SUGCT: variants seen among roughly 807,000 people sequenced by gnomAD.
The protein encoded by SUGCT is succinyl-CoA:glutarate-CoA transferase.
Under a neutral mutation model 55.0 loss-of-function variants are expected in SUGCT, and 41 were observed. The ratio of observed to expected loss-of-function variants is 0.74; its 90% CI spans 0.58 to 0.97. The LOEUF is 0.97. Among genes scored for constraint, SUGCT ranks in the 50% least tolerant of loss-of-function variants. The probability of loss-of-function intolerance (pLI) is 0.00; values close to 1 mark genes in which losing one functional copy is unlikely to be tolerated. For missense variants in SUGCT, 568 were observed against 547.8 expected (o/e 1.04, Z -0.37); for synonymous variants, 187 against 200.4 (o/e 0.93, Z 0.56).
intron 7 of SUGCT, among the ~76,000 whole-genome samples, chr7:40,252,159 G>A (rs943878759): frequency 1.3e-5 from 2 of 152,118 alleles, no homozygotes; most frequent in Non-Finnish European, 2.9e-5. Flanking sequence ...TTTTGAGACA[G>A]GGTCTCATTC....
intron 12 of SUGCT, among the ~76,000 whole-genome samples, chr7:40,528,796 T>C (rs1043502070): frequency 6.6e-6 from 1 of 152,204 alleles, no homozygotes; most frequent in Non-Finnish European, 1.5e-5. Context: ...GTTAAATCAA[T>C]AGCATTCATT....
At chr7:40,789,268 C>T (rs185233083) in intron 13 of SUGCT, among the ~76,000 whole-genome samples, 9 of 152,196 alleles carry the variant, frequency 5.9e-5, no homozygotes, top group African/African-American at 1.9e-4. Context: ...ATTTCCCATT[C>T]CCCTCCCTCT....
At chr7:40,728,004 A>G (rs1426907555) in intron 12 of SUGCT, among the ~76,000 whole-genome samples, 1 of 152,156 alleles carries the variant, frequency 6.6e-6, no homozygotes, top group East Asian at 1.9e-4. Flanking sequence ...AGATACTACA[A>G]GTATTCTGAG....
At chr7:40,167,986 G>C (rs1989589) in intron 1 of SUGCT, among the ~76,000 whole-genome samples, 1 of 151,938 alleles carries the variant, frequency 6.6e-6, no homozygotes, top group Non-Finnish European at 1.5e-5. Flanking sequence ...AAATGCCTGG[G>C]GTTTATATCC....
chr7:40,785,408 T>G (rs1789960223), intron 13 of SUGCT, among the ~76,000 whole-genome samples: 1 of 152,214 alleles, frequency 6.6e-6, no homozygotes, highest in Non-Finnish European at 1.5e-5. Context: ...TAAAGAAAGC[T>G]TAGTCCCAGT....
intron 1 of SUGCT, among the ~76,000 whole-genome samples, chr7:40,176,083 A>G (rs1390931400): frequency 6.6e-6 from 1 of 151,978 alleles, no homozygotes. Context: ...AGTACAAAAA[A>G]CAGCGGGACA....
At chr7:40,823,530 A>G (rs554782059) in intron 13 of SUGCT, among the ~76,000 whole-genome samples, 1 of 152,210 alleles carries the variant, frequency 6.6e-6, no homozygotes, top group South Asian at 2.1e-4. Flanking sequence ...AATTTCTACT[A>G]CCATAGTTTT....
intron 9 of SUGCT, among the ~76,000 whole-genome samples, chr7:40,381,453 C>T (rs537171527): frequency 5.2e-5 from 4 of 77,244 alleles, no homozygotes; most frequent in Non-Finnish European, 1.1e-4. Flanking sequence ...ATTTTATGTT[C>T]TTTAAAACTC....
At chr7:40,478,814 A>G (rs1790856624) in intron 11 of SUGCT, among the ~76,000 whole-genome samples, 1 of 152,246 alleles carries the variant, frequency 6.6e-6, no homozygotes, top group African/African-American at 2.4e-5. Flanking sequence ...CTTGAGCAAG[A>G]TATCCCTCTC....
chr7:40,814,136 CT>C (rs1791553755), intron 13 of SUGCT, among the ~76,000 whole-genome samples: 2 of 152,198 alleles, frequency 1.3e-5, no homozygotes, highest in African/African-American at 4.8e-5. Context: ...AGATTTTTTT[CT>C]TTAGTGTCGA....
At chr7:40,145,997 C>T (rs1392964784) in intron 1 of SUGCT, among the ~76,000 whole-genome samples, 1 of 152,130 alleles carries the variant, frequency 6.6e-6, no homozygotes, top group African/African-American at 2.4e-5. Flanking sequence ...GTTAGGAAAC[C>T]TGCTGGGTTA....
intron 12 of SUGCT, among the ~76,000 whole-genome samples, chr7:40,569,858 A>G (rs1397037252): frequency 6.6e-6 from 1 of 152,224 alleles, no homozygotes; most frequent in Non-Finnish European, 1.5e-5. Context: ...ATTCTGACCT[A>G]AATGATAAAG....
chr7:40,898,005 T>C, the SUGCT span, among the ~76,000 whole-genome samples: 1 of 152,104 alleles, frequency 6.6e-6, no homozygotes, highest in Non-Finnish European at 1.5e-5. Context: ...CAGGTTCCCT[T>C]CCGGTGTGAA....
chr7:40,965,597 T>C, the SUGCT span: 1 of 152,232 alleles, frequency 6.6e-6, no homozygotes, highest in African/African-American at 2.4e-5. Context: ...TCGAGTTGTA[T>C]ATGATGTTTC....
chr7:40,617,796 C>A (rs1472004103), intron 12 of SUGCT, among the ~76,000 whole-genome samples: 1 of 151,938 alleles, frequency 6.6e-6, no homozygotes, highest in African/African-American at 2.4e-5. Flanking sequence ...GTGATATAAC[C>A]CTTGTGCTAC....
chr7:40,556,682 CT>C (rs1477907716), intron 12 of SUGCT, among the ~76,000 whole-genome samples: 2 of 152,178 alleles, frequency 1.3e-5, no homozygotes, highest in African/African-American at 4.8e-5. Flanking sequence ...ATTATCTAAC[CT>C]TTTTGTGCTT....
intron 7 of SUGCT, among the ~76,000 whole-genome samples, chr7:40,265,168 C>T (rs375114569): frequency 2.0e-5 from 3 of 152,046 alleles, no homozygotes; most frequent in African/African-American, 2.4e-5. Context: ...ATTTGTATAA[C>T]GAATGACTCA....
chr7:40,299,596 A>G (rs1459406630), intron 8 of SUGCT, among the ~76,000 whole-genome samples: 2 of 152,122 alleles, frequency 1.3e-5, no homozygotes, highest in African/African-American at 4.8e-5. Context: ...ATTTTTGAAG[A>G]AAACTGATTT....
intron 6 of SUGCT, among the ~76,000 whole-genome samples, chr7:40,207,706 G>T (rs1188956977): frequency 6.6e-6 from 1 of 151,570 alleles, no homozygotes; most frequent in East Asian, 1.9e-4. Flanking sequence ...AATCCCAGCT[G>T]CTCTGGAGGC....
Sources: gnomAD v4.1 joint callset for allele counts (sites outside exome capture counted in the v4.1 genomes callset) on GRCh38, gnomAD v4.1.1 for gene constraint, MANE v1.5 for transcripts, NCBI Gene and HGNC (gene_info 2026-07-23, HGNC 2026-07-21) for gene names.